SLC13A1: variants seen among roughly 807,000 people sequenced by gnomAD.
SLC13A1 encodes the protein solute carrier family 13 member 1, also known as Na(+)/sulfate cotransporter.
SLC13A1 carries 65 observed loss-of-function variants against 70.0 expected under a neutral mutation model. That is an observed-to-expected ratio of 0.93 (90% CI 0.76 to 1.14). The LOEUF (loss-of-function observed/expected upper bound fraction) is 1.14. Among genes scored for constraint, SLC13A1 ranks in the 50% most tolerant of loss-of-function variants. The pLI is 0.00. For missense variants in SLC13A1, 726 were observed against 717.8 expected (o/e 1.01, Z -0.13); for synonymous variants, 275 against 250.5 (o/e 1.10, Z -0.92).
Position 123,114,357 on chromosome 7 carries a change from G to A in SLC13A1, c.*1161C>T, listed in dbSNP as rs1439637898. ...TCTACAATGTGTAATTGTCACATCAGGGTAATTGGAAACTCATTCTTTTTC... is the reference window on the plus strand; with the variant it reads ...TCTACAATGTGTAATTGTCACATCAAGGTAATTGGAAACTCATTCTTTTTC... On this transcript the variant is annotated 3_prime_UTR_variant, in exon 15 of 15. Transcript: ENST00000194130. 2 of 151,922 alleles carry A rather than the reference G, an allele frequency of 1.3e-5. No homozygotes were observed. Among genetic ancestry groups the A allele is most frequent in the Non-Finnish European group, 2.9e-5 (2 of 67,974 alleles). 9.4% of individuals were successfully genotyped at this position (151,922 alleles called of 1,614,324 possible). A position where few individuals can be genotyped will look rare whatever the true frequency, so the allele number is the denominator to read the frequency against.
At chr7:123,152,727 C>T (rs1389774297) in intron 6 of SLC13A1, among the ~76,000 whole-genome samples, 1 of 152,036 alleles carries the variant, frequency 6.6e-6, no homozygotes, top group African/African-American at 2.4e-5. Flanking sequence ...CTACGCTTCA[C>T]CCAAAATAAA....
intron 2 of SLC13A1, among the ~76,000 whole-genome samples, chr7:123,177,498 A>G (rs1795485345): frequency 6.6e-6 from 1 of 152,118 alleles, no homozygotes; most frequent in South Asian, 2.1e-4. Context: ...CAATGTTAAA[A>G]TCTTGCAATG....
At chr7:123,132,797 G>A (rs1175196128) in intron 8 of SLC13A1, among the ~76,000 whole-genome samples, 2 of 152,254 alleles carry the variant, frequency 1.3e-5, no homozygotes, top group East Asian at 3.9e-4. Context: ...CTCAAGATTT[G>A]ATATACAGCG....
chr7:123,175,814 CA>C (rs1175763309), intron 2 of SLC13A1, among the ~76,000 whole-genome samples: 1 of 152,060 alleles, frequency 6.6e-6, no homozygotes, highest in African/African-American at 2.4e-5. Context: ...CTTAAAAATA[CA>C]AATAAACACT....
intron 6 of SLC13A1, among the ~76,000 whole-genome samples, chr7:123,160,277 A>G (rs1794846580): frequency 6.6e-6 from 1 of 151,886 alleles, no homozygotes; most frequent in African/African-American, 2.4e-5. Context: ...TCTCAAAAAA[A>G]AAAAAAAAAA....
intron 6 of SLC13A1, among the ~76,000 whole-genome samples, chr7:123,148,970 G>T (rs1173784895): frequency 1.3e-5 from 2 of 152,096 alleles, no homozygotes; most frequent in Non-Finnish European, 2.9e-5. Flanking sequence ...TTCCAGGCAT[G>T]GTGAATTTTT....
intron 6 of SLC13A1, among the ~76,000 whole-genome samples, chr7:123,164,717 A>G (rs1004726107): frequency 2.6e-5 from 4 of 151,938 alleles, no homozygotes; most frequent in African/African-American, 9.7e-5. Flanking sequence ...AAATGCCCAT[A>G]TCAAAAAGTT....
intron 7 of SLC13A1, among the ~76,000 whole-genome samples, chr7:123,141,653 G>A (rs997175402): frequency 2.0e-5 from 3 of 151,868 alleles, no homozygotes; most frequent in East Asian, 3.9e-4. Flanking sequence ...CCTCTTGCTG[G>A]ATTGACTTCT....
intron 6 of SLC13A1, among the ~76,000 whole-genome samples, chr7:123,156,174 G>A (rs1158127896): frequency 6.6e-6 from 1 of 151,976 alleles, no homozygotes; most frequent in Non-Finnish European, 1.5e-5. Context: ...GGGATTACTG[G>A]GGATAATGGG....
chr7:123,149,084 C>T (rs983712532), intron 6 of SLC13A1, among the ~76,000 whole-genome samples: 1 of 152,098 alleles, frequency 6.6e-6, no homozygotes, highest in Non-Finnish European at 1.5e-5. Flanking sequence ...TAACACACAT[C>T]TTCTGCCTGG....
intron 1 of SLC13A1, among the ~76,000 whole-genome samples, chr7:123,185,832 C>A (rs576849059): frequency 6.6e-6 from 1 of 151,986 alleles, no homozygotes; most frequent in South Asian, 2.1e-4. Context: ...AGCCATCTGC[C>A]CCAGTTTTCT....
intron 14 of SLC13A1, 134 bp downstream of exon 14, chr7:123,117,337 A>G (rs1793212804): frequency 1.2e-6 from 1 of 809,358 alleles, no homozygotes; most frequent in African/African-American, 1.7e-5. Context: ...AGTCATGCAC[A>G]CTGCATTCAT....
At chr7:123,146,840 C>G (rs957867990) in intron 7 of SLC13A1, among the ~76,000 whole-genome samples, 1 of 144,382 alleles carries the variant, frequency 6.9e-6, no homozygotes, top group Non-Finnish European at 1.5e-5. Context: ...AAAATAATTC[C>G]TTTTCACTTT....
intron 10 of SLC13A1, 34 bp from the exon 11 acceptor site, chr7:123,125,709 G>T (rs371910107): frequency 6.7e-7 from 1 of 1,496,884 alleles, no homozygotes; most frequent in Non-Finnish European, 9.3e-7. Context: ...ATTAAAAATA[G>T]CATCAAGAAC....
chr7:123,137,867 T>C (rs1027527547), intron 7 of SLC13A1, among the ~76,000 whole-genome samples: 1 of 152,198 alleles, frequency 6.6e-6, no homozygotes, highest in Non-Finnish European at 1.5e-5. Flanking sequence ...AATCAGATCA[T>C]AGAAATGGGG....
intron 6 of SLC13A1, among the ~76,000 whole-genome samples, chr7:123,165,524 A>G (rs1017319443): frequency 2.0e-5 from 3 of 152,114 alleles, no homozygotes; most frequent in Admixed American, 2.0e-4. Flanking sequence ...CCTCGTCCCC[A>G]ATGTCTAATT....
chr7:123,155,929 G>T (rs1372079377), intron 6 of SLC13A1, among the ~76,000 whole-genome samples: 1 of 152,060 alleles, frequency 6.6e-6, no homozygotes, highest in Non-Finnish European at 1.5e-5. Flanking sequence ...CCCAGAACTG[G>T]ATCTGGTTCT....
chr7:123,138,312 T>C (rs192211914), intron 7 of SLC13A1, among the ~76,000 whole-genome samples: 59 of 152,312 alleles, frequency 3.9e-4, no homozygotes, highest in Non-Finnish European at 7.5e-4. Context: ...CATCCATCCG[T>C]TGATAGGCAC....
In SLC13A1 at chr7:123,128,919, G is replaced by A; in HGVS notation, c.1059C>T (p.Leu353=). Reference sequence around the variant, plus strand: ...ACCATAGCAGAGCCATTATAATGAAGAGGACCAAGGTCACAATTTCTTGAT... The same window carrying A: ...ACCATAGCAGAGCCATTATAATGAAAAGGACCAAGGTCACAATTTCTTGAT... ...IRYQEIVTLV[L]FIIMALLWFS... The change falls in exon 10 of 15, where the codon CTC becomes CTT. Residue 353 remains leucine, a synonymous_variant. Transcript: ENST00000194130. 3 of 1,613,354 alleles carry A rather than the reference G, an allele frequency of 1.9e-6. No homozygotes were observed. The highest frequency in any genetic ancestry group is 1.7e-6 in the Non-Finnish European group (2 of 1,179,592).
Sources: gnomAD v4.1 joint callset for allele counts (sites outside exome capture counted in the v4.1 genomes callset) on GRCh38, gnomAD v4.1.1 for gene constraint, MANE v1.5 for transcripts, NCBI Gene and HGNC (gene_info 2026-07-23, HGNC 2026-07-21) for gene names.